The following ITPKB variants were observed in gnomAD, a reference collection of about 807,000 sequenced individuals.
ITPKB encodes the protein IP3 3-kinase B.
ITPKB carries 13 observed loss-of-function variants against 69.4 expected under a neutral mutation model. The observed-to-expected ratio is 0.19, with a 90% CI of 0.12 to 0.30. The LOEUF (loss-of-function observed/expected upper bound fraction) is 0.30. Among genes scored for constraint, ITPKB ranks in the 10% least tolerant of loss-of-function variants. ITPKB has a pLI of 1.00. For missense variants in ITPKB, 1,240 were observed against 1,250.5 expected, an observed-to-expected ratio of 0.99 and a Z score of 0.13; for synonymous variants, 584 against 513.7, an observed-to-expected ratio of 1.14 and a Z score of -1.85.
intron 2 of ITPKB, among the ~76,000 whole-genome samples, chr1:226,700,028 G>T (rs759663617): frequency 6.6e-6 from 1 of 152,108 alleles, no homozygotes; most frequent in South Asian, 2.1e-4. Flanking sequence ...TAGTCTTTTC[G>T]CGTTTTTCTG....
At chr1:226,654,249 C>T (rs1341854880) in intron 2 of ITPKB, among the ~76,000 whole-genome samples, 1 of 152,036 alleles carries the variant, frequency 6.6e-6, no homozygotes, top group East Asian at 1.9e-4. Flanking sequence ...ACAACAAAAC[C>T]CCAACCATCT....
intron 2 of ITPKB, among the ~76,000 whole-genome samples, chr1:226,709,121 T>C (rs545648975): frequency 3.9e-4 from 60 of 152,258 alleles, no homozygotes; most frequent in Non-Finnish European, 7.2e-4. Context: ...GTCTCCTTTC[T>C]GGATTCACCC....
intron 2 of ITPKB, among the ~76,000 whole-genome samples, chr1:226,700,146 G>C (rs769829654): frequency 6.5e-4 from 99 of 152,154 alleles, no homozygotes; most frequent in Non-Finnish European, 1.2e-3. Flanking sequence ...ATCTCCTTTG[G>C]TAACACCGTC....
chr1:226,687,547 G>A (rs1053925291), intron 2 of ITPKB, among the ~76,000 whole-genome samples: 2 of 152,148 alleles, frequency 1.3e-5, no homozygotes, highest in Admixed American at 6.5e-5. Flanking sequence ...GGTGCTGCCC[G>A]CTGTAAAGGA....
chr1:226,692,003 G>C (rs1656367573), intron 2 of ITPKB, among the ~76,000 whole-genome samples: 1 of 152,196 alleles, frequency 6.6e-6, no homozygotes, highest in South Asian at 2.1e-4. Flanking sequence ...CAAAGGTCCA[G>C]TGAGGAAAAG....
intron 2 of ITPKB, among the ~76,000 whole-genome samples, chr1:226,680,542 A>T (rs1412533271): frequency 6.6e-6 from 1 of 152,204 alleles, no homozygotes; most frequent in African/African-American, 2.4e-5. Context: ...ACTTGTATTA[A>T]GTTATCCACG....
At chr1:226,684,484 T>G (rs1656156626) in intron 2 of ITPKB, among the ~76,000 whole-genome samples, 1 of 152,010 alleles carries the variant, frequency 6.6e-6, no homozygotes, top group Non-Finnish European at 1.5e-5. Context: ...GAGCAACACT[T>G]TTTTTTTCTT....
In ITPKB at chr1:226,738,561, C is replaced by G. The variant is rs914806290; in HGVS notation, c.-206+480G>C. 7.9e-5 allele frequency among the ~76,000 whole-genome samples: 12 copies of G among 152,212 alleles called. No individual in the cohort carries two copies. The highest frequency in any genetic ancestry group is 2.0e-4 in the Admixed American group (3 of 15,288). ...GTTGCCGAGGACGCGACTGCCCCTG[C>G]GGGCTCCCGGACCCGCGCCCACTCG... is the stretch of plus-strand genomic sequence containing the variant. On this transcript the variant is annotated intron_variant, in intron 1 of 7. Coordinates refer to ENST00000429204, the MANE Select transcript of ITPKB (RefSeq NM_002221.4). This position sits in a 1 kb window ranked among gnomAD's most constrained non-coding sequence, Gnocchi z 4.2.
At chr1:226,697,121 C>G (rs1394382252) in intron 2 of ITPKB, among the ~76,000 whole-genome samples, 1 of 152,212 alleles carries the variant, frequency 6.6e-6, no homozygotes, top group Non-Finnish European at 1.5e-5. Context: ...AAAGCAGAAA[C>G]CTGGGCAAGC....
At chr1:226,635,631 G>A (rs1214829152) in intron 7 of ITPKB, among the ~76,000 whole-genome samples, 1 of 152,232 alleles carries the variant, frequency 6.6e-6, no homozygotes, top group Non-Finnish European at 1.5e-5. Context: ...CACAGTGAAG[G>A]GGAAGGTGCC....
chr1:226,703,910 C>G (rs961745634), intron 2 of ITPKB, among the ~76,000 whole-genome samples: 1 of 152,160 alleles, frequency 6.6e-6, no homozygotes, highest in African/African-American at 2.4e-5. Flanking sequence ...TTCCTTGTCC[C>G]CCTCACCCCC....
chr1:226,711,994 G>A (rs987582370), intron 2 of ITPKB, among the ~76,000 whole-genome samples: 1 of 152,196 alleles, frequency 6.6e-6, no homozygotes. Flanking sequence ...TTCTCTCTCA[G>A]AAGGCGTCCC....
chr1:226,705,824 G>A (rs913636382), intron 2 of ITPKB, among the ~76,000 whole-genome samples: 1 of 152,196 alleles, frequency 6.6e-6, no homozygotes, highest in African/African-American at 2.4e-5. Context: ...CATTTCTTAG[G>A]ACTCCCTGTC....
In ITPKB at chr1:226,634,693, G is replaced by A; in HGVS notation, c.2819C>T (p.Ser940Phe). The change falls in exon 8 of 8, where the codon TCC becomes TTC. Residue 940 changes from serine (S) to phenylalanine (F), a missense_variant. By Grantham distance (155) the Ser-to-Phe change is radical. Around this residue, in one of 2 missense-constraint regions of ITPKB, gnomAD observed 248 missense variants for 396.7 expected, o/e 0.63. Transcript: ENST00000429204. The surrounding 1 kb of genome is among the most constrained non-coding windows in gnomAD (Gnocchi z 6.3). Reference sequence around the variant, plus strand: ...AGCTCAGGCGAGTGGGGCATCCTGGGACATCTCGGTCAGGATGTCGACGAG... The same window carrying A: ...AGCTCAGGCGAGTGGGGCATCCTGGAACATCTCGGTCAGGATGTCGACGAG... ...NNLVDILTEM[S>F]QDAPLA 1 of 875,570 alleles carries A rather than the reference G, an allele frequency of 1.1e-6. No individual in the cohort carries two copies. The highest frequency in any genetic ancestry group is 1.3e-5 in the South Asian group (1 of 76,356). The allele number at this position is 875,570 out of a possible 1,614,324, so 54.2% of individuals were successfully genotyped here. A position where few individuals can be genotyped will look rare whatever the true frequency, so the allele number is the denominator to read the frequency against.
chr1:226,659,710 A>C (rs1669364185), intron 2 of ITPKB: 1 of 150,040 alleles, frequency 6.7e-6, no homozygotes, highest in Non-Finnish European at 1.5e-5. Context: ...CCAGCAGGGC[A>C]CCTGCACAGC....
At chr1:226,706,827 G>C (rs1263293368) in intron 2 of ITPKB, among the ~76,000 whole-genome samples, 3 of 152,234 alleles carry the variant, frequency 2.0e-5, no homozygotes, top group Non-Finnish European at 4.4e-5. Flanking sequence ...GCCTGGGTGT[G>C]TCAGTCGCCA....
chr1:226,645,906 C>T (rs745647567), intron 4 of ITPKB, among the ~76,000 whole-genome samples: 24 of 152,072 alleles, frequency 1.6e-4, no homozygotes, highest in Non-Finnish European at 3.4e-4. Flanking sequence ...TGAGTGATGG[C>T]GAGAGAACAC....
Position 226,634,613 on chromosome 1 carries a change from A to T in ITPKB, c.*58T>A. 1 of 729,322 alleles carries T rather than the reference A, an allele frequency of 1.4e-6. No homozygotes were observed. Among genetic ancestry groups the T allele is most frequent in the South Asian group, 1.5e-5 (1 of 67,672 alleles). 45.2% of individuals were successfully genotyped at this position (729,322 alleles called of 1,614,324 possible). Reference sequence around the variant, plus strand: ...GTGAAGGAAAAGTTAGGAACGAGAAAGGAAGCACAGGAGGAGGAAAGGAGG... The same window carrying T: ...GTGAAGGAAAAGTTAGGAACGAGAATGGAAGCACAGGAGGAGGAAAGGAGG... On this transcript the variant is annotated 3_prime_UTR_variant, in exon 8 of 8. Coordinates refer to ENST00000429204, the MANE Select transcript of ITPKB (RefSeq NM_002221.4). This position sits in a 1 kb window ranked among gnomAD's most constrained non-coding sequence, Gnocchi z 6.3.
In ITPKB at chr1:226,731,604, T is replaced by C. The variant is rs143509118; in HGVS notation, c.1932+3923A>G. On this transcript the variant is annotated intron_variant, in intron 2 of 7. Coordinates refer to ENST00000429204, the MANE Select transcript of ITPKB (RefSeq NM_002221.4). ...AGATCATTCCCATACAATACCCACA[T>C]TTTCAGAGGAGAAAACTAAGCTAGA... is the stretch of plus-strand genomic sequence containing the variant. Among the ~76,000 whole-genome samples, 582 of 152,286 alleles carry C rather than the reference T, an allele frequency of 3.8e-3. 5 individuals are homozygous for C. Among genetic ancestry groups the C allele is most frequent in the African/African-American group, 0.014 (563 of 41,550 alleles).
Sources: gnomAD v4.1 joint callset for allele counts (sites outside exome capture counted in the v4.1 genomes callset) on GRCh38, gnomAD v4.1.1 for gene constraint, gnomAD v4.1.1 regional missense constraint, Gnocchi (gnomAD v3.1) non-coding constraint, MANE v1.5 for transcripts, NCBI Gene and HGNC (gene_info 2026-07-23, HGNC 2026-07-21) for gene names.